The following BCL6 variants were observed in gnomAD, a reference collection of about 807,000 sequenced individuals.
BCL6 encodes the protein B-cell lymphoma 6 protein.
BCL6 carries 7 observed loss-of-function variants against 59.5 expected under a neutral mutation model. The ratio of observed to expected loss-of-function variants is 0.12; its 90% CI spans 0.07 to 0.22. The LOEUF (loss-of-function observed/expected upper bound fraction) is 0.22, where lower values mean the gene tolerates loss of function less well. BCL6 is among the 10% of genes least tolerant of loss of function. BCL6 has a pLI of 1.00. For synonymous variants in BCL6, 339 were observed against 349.7 expected (o/e 0.97, Z 0.34); for missense variants, 685 against 939.4 (o/e 0.73, Z 3.54).
chr3:187,738,681 G>A (rs933442287), intron 1 of BCL6, among the ~76,000 whole-genome samples: 1 of 152,178 alleles, frequency 6.6e-6, no homozygotes, highest in African/African-American at 2.4e-5. Context: ...GACAGCGAAA[G>A]ACTCAGCCAC....
rs756180658 is a variant in BCL6, at chr3:187,724,934, T to TAC, written c.1977+5_1977+6dup. ...GGTCAGAGAGCGGCCTCAAGAGGCT[T>TAC]ACGTACATGGTAAGGTTTCTCTCCT... On this transcript the variant is annotated splice_region_variant and intron_variant, in intron 9 of 9. Coordinates refer to ENST00000406870, the MANE Select transcript of BCL6 (RefSeq NM_001706.5). 6.2e-7 allele frequency: 1 copy of TAC among 1,613,502 alleles called. No individual in the cohort carries two copies. The highest frequency in any genetic ancestry group is 1.1e-5 in the South Asian group (1 of 91,066).
chr3:187,744,950 ACAG>A, intron 1 of BCL6, among the ~76,000 whole-genome samples: 1 of 152,240 alleles, frequency 6.6e-6, no homozygotes, highest in South Asian at 2.1e-4. Flanking sequence ...CTGGGGCCAG[ACAG>A]CCCCCAGACT....
intron 4 of BCL6, among the ~76,000 whole-genome samples, chr3:187,731,499 G>A (rs934265677): frequency 1.3e-5 from 2 of 152,120 alleles, no homozygotes; most frequent in African/African-American, 2.4e-5. Flanking sequence ...GCAAGATGCG[G>A]TAATGCATAG....
intron 1 of BCL6, among the ~76,000 whole-genome samples, chr3:187,741,160 G>A (rs929171782): frequency 1.1e-4 from 16 of 152,180 alleles, no homozygotes; most frequent in Non-Finnish European, 2.2e-4. Context: ...GCCTCTAAAA[G>A]CAAAGCTAGA....
chr3:187,726,605 G>C (rs1718709126), intron 7 of BCL6, 126 bp downstream of exon 7: 2 of 1,363,342 alleles, frequency 1.5e-6, no homozygotes, highest in Admixed American at 4.3e-5. Context: ...GTTCAGGCCA[G>C]GATGGGGCCT....
At chr3:187,739,980 C>G (rs2108478539) in intron 1 of BCL6, among the ~76,000 whole-genome samples, 1 of 152,300 alleles carries the variant, frequency 6.6e-6, no homozygotes, top group East Asian at 1.9e-4. Context: ...GTTTCCAGTC[C>G]GAACAGAGGC....
intron 1 of BCL6, among the ~76,000 whole-genome samples, chr3:187,735,275 T>C (rs907152990): frequency 3.9e-5 from 6 of 152,208 alleles, no homozygotes; most frequent in African/African-American, 7.2e-5. Context: ...ACATTAACAA[T>C]AACGATTCGT....
At chr3:187,722,719 C>T (rs1718485074) in intron 9 of BCL6, 118 bp from the exon 10 acceptor site, 17 of 1,304,370 alleles carry the variant, frequency 1.3e-5, no homozygotes, top group Non-Finnish European at 1.7e-5. Context: ...CTTGCCTCTC[C>T]AAGGCCAGGT....
At chr3:187,744,402 C>G (rs184808997) in intron 1 of BCL6, among the ~76,000 whole-genome samples, 1 of 152,006 alleles carries the variant, frequency 6.6e-6, no homozygotes, top group South Asian at 2.1e-4. Flanking sequence ...AGGTTCCCGA[C>G]TCCCTCGACT....
rs940637288 is a variant in BCL6 at position 187,726,820 on chromosome 3, G to T, written c.1619C>A (p.Thr540Asn). Residue 540 changes from threonine (T) to asparagine (N), a missense_variant, in exon 7 of 10, where the codon ACC becomes AAC. This residue lies in a region of BCL6 where 207 missense variants were observed against 213.7 expected (regional missense o/e 0.97). Transcript: ENST00000406870. ...ACACTTGTAGGGTTTGTCACTGTGG[G>T]TCTGCAGCGTGTGCCTCTTGAGTGA... ...EASLKRHTLQ[T>N]HSDKPYKCDR... 7.4e-6 allele frequency: 12 copies of T among 1,614,238 alleles called. No homozygotes were observed. The highest frequency in any genetic ancestry group is 3.3e-5 in the South Asian group (3 of 91,086).
chr3:187,744,783 G>T (rs541807336), intron 1 of BCL6, among the ~76,000 whole-genome samples: 2 of 150,496 alleles, frequency 1.3e-5, no homozygotes, highest in African/African-American at 2.4e-5. Flanking sequence ...AAAAGAGGAG[G>T]GAGGGAAGCG....
At chr3:187,745,129 T>A (rs187193348) in intron 1 of BCL6, among the ~76,000 whole-genome samples, 6 of 151,924 alleles carry the variant, frequency 3.9e-5, no homozygotes, top group East Asian at 1.9e-4. Flanking sequence ...ACAATAATAA[T>A]AATAAATACA....
rs139857005 is a variant in BCL6, at chr3:187,729,588, T to A, written c.817A>T (p.Met273Leu). Reference sequence around the variant, plus strand: ...AGGCCCTCAGCCACACTGTAGTGCATATCACTTCGTGCCTCTTCTGGGATT... The same window carrying A: ...AGGCCCTCAGCCACACTGTAGTGCAAATCACTTCGTGCCTCTTCTGGGATT... ...ETIPEEARSD[M>L]HYSVAEGLKP... Residue 273 changes from methionine (M) to leucine (L), a missense_variant, in exon 5 of 10, where the codon ATG becomes TTG. Coordinates refer to ENST00000406870, the MANE Select transcript of BCL6 (RefSeq NM_001706.5). The surrounding 1 kb of genome is among the most constrained non-coding windows in gnomAD (Gnocchi z 5.6). 6.2e-7 allele frequency: 1 copy of A among 1,614,186 alleles called. No individual in the cohort carries two copies. Among genetic ancestry groups the A allele is most frequent in the Non-Finnish European group, 8.5e-7 (1 of 1,180,034 alleles).
At chr3:187,742,920 T>G (rs554192197) in intron 1 of BCL6, among the ~76,000 whole-genome samples, 4 of 152,300 alleles carry the variant, frequency 2.6e-5, no homozygotes, top group African/African-American at 9.6e-5. Context: ...AACTTCAACT[T>G]GGGCTGCAGA....
chr3:187,744,397 C>T (rs551590372), intron 1 of BCL6, among the ~76,000 whole-genome samples: 1 of 148,760 alleles, frequency 6.7e-6, no homozygotes, highest in Admixed American at 6.7e-5. Flanking sequence ...CGCGGAGGTT[C>T]CCGACTCCCT....
At chr3:187,737,655 C>T (rs1719353466) in intron 1 of BCL6, 1 of 152,240 alleles carries the variant, frequency 6.6e-6, no homozygotes, top group Non-Finnish European at 1.5e-5. Context: ...CCGCAAGGCG[C>T]GACGGAGGCT....
At chr3:187,744,380 G>A (rs1576884833) in intron 1 of BCL6, among the ~76,000 whole-genome samples, 2 of 152,126 alleles carry the variant, frequency 1.3e-5, no homozygotes, top group East Asian at 3.9e-4. Context: ...GATGAGCAGG[G>A]AGAGCGCGCG....
At chr3:187,740,324 G>A (rs905394109) in intron 1 of BCL6, among the ~76,000 whole-genome samples, 1 of 151,982 alleles carries the variant, frequency 6.6e-6, no homozygotes, top group Non-Finnish European at 1.5e-5. Context: ...CGCCCTGCAA[G>A]TCTTTGGTCC....
Position 187,733,576 on chromosome 3 carries a change from G to A in BCL6, c.118C>T (p.Arg40Cys), listed in dbSNP as rs147478441. Residue 40 changes from arginine to cysteine, a missense_variant, in exon 3 of 10, where the codon CGT (arginine) becomes TGT (cysteine). This residue lies in a region of BCL6 where 102 missense variants were observed against 176.6 expected (regional missense o/e 0.58). Transcript: ENST00000406870. ...ILTDVVIVVS[R>C]EQFRAHKTVL... ...GTTTTATGGGCTCTAAACTGCTCAC[G>A]GCTCACAACAATGACAACATCAGTC... 298 of 1,613,800 alleles carry A rather than the reference G, an allele frequency of 1.8e-4. No individual in the cohort carries two copies. The highest frequency in any genetic ancestry group is 2.3e-4 in the Non-Finnish European group (268 of 1,179,964).
Sources: gnomAD v4.1 joint callset for allele counts (sites outside exome capture counted in the v4.1 genomes callset) on GRCh38, gnomAD v4.1.1 for gene constraint, gnomAD v4.1.1 regional missense constraint, Gnocchi (gnomAD v3.1) non-coding constraint, MANE v1.5 for transcripts, NCBI Gene and HGNC (gene_info 2026-07-23, HGNC 2026-07-21) for gene names.